Variants in GRM1 observed in about 807,000 individuals in gnomAD.
GRM1 encodes metabotropic glutamate receptor 1.
GRM1 carries 33 observed loss-of-function variants against 90.9 expected under a neutral mutation model. That is an observed-to-expected ratio of 0.36 (90% confidence interval 0.28 to 0.49). The LOEUF (loss-of-function observed/expected upper bound fraction) is 0.49. GRM1 is among the 20% of genes least tolerant of loss of function. GRM1 has a pLI of 0.99. For missense variants in GRM1, 1,190 were observed against 1,534.3 expected (o/e 0.78, Z 3.75); for synonymous variants, 700 against 613.2 (o/e 1.14, Z -2.09).
chr6:146,433,486 T>C (rs1778483342), intron 7 of GRM1, among the ~76,000 whole-genome samples: 1 of 152,082 alleles, frequency 6.6e-6, no homozygotes, highest in African/African-American at 2.4e-5. Flanking sequence ...TAAGATTTTT[T>C]TTTTAAAGTT....
chr6:146,051,413 C>T (rs1775284697), intron 1 of GRM1, among the ~76,000 whole-genome samples: 1 of 151,990 alleles, frequency 6.6e-6, no homozygotes, highest in African/African-American at 2.4e-5. Context: ...TTTCAGAGAC[C>T]TACACTGGAG....
chr6:146,256,495 C>T (rs1781482146), intron 2 of GRM1, among the ~76,000 whole-genome samples: 1 of 152,094 alleles, frequency 6.6e-6, no homozygotes, highest in Non-Finnish European at 1.5e-5. Context: ...TTTCTCCACT[C>T]TCCTCCTTTA....
At chr6:146,046,900 C>T (rs1007728235) in intron 1 of GRM1, among the ~76,000 whole-genome samples, 1 of 151,884 alleles carries the variant, frequency 6.6e-6, no homozygotes. Context: ...CAGGTTACTT[C>T]CAGTAGGGAT....
chr6:146,409,187 C>G (rs73785361), intron 7 of GRM1, among the ~76,000 whole-genome samples: 7,084 of 152,214 alleles, frequency 0.047, 276 homozygotes, highest in East Asian at 0.2. Flanking sequence ...CTGTCTCGCC[C>G]TATGCCTTCT....
chr6:146,038,518 T>G (rs565767092), intron 1 of GRM1, among the ~76,000 whole-genome samples: 97 of 152,050 alleles, frequency 6.4e-4, no homozygotes, highest in Non-Finnish European at 1.0e-3. Flanking sequence ...CTAACCTTAA[T>G]TAGGAAGATG....
chr6:146,030,113 A>G lies in GRM1; in HGVS notation c.596A>G (p.Lys199Arg), dbSNP rs1790653416. Residue 199 changes from lysine (K) to arginine (R), a missense_variant, in exon 1 of 8, where the codon AAA becomes AGA. By Grantham distance (26) the Lys-to-Arg change is conservative. Transcript: ENST00000282753. ...SIDLSDKTLY[K>R]YFLRVVPSDT... ...GACCTGAGTGACAAAACTTTGTACA[A>G]ATACTTCCTGAGGGTTGTCCCTTCT... The G allele has an allele frequency of 1.2e-6, 2 of 1,614,050 alleles. No individual in the cohort carries two copies. The highest frequency in any genetic ancestry group is 8.5e-7 in the Non-Finnish European group (1 of 1,180,010).
intron 1 of GRM1, among the ~76,000 whole-genome samples, chr6:146,155,764 C>G (rs145932259): frequency 1.9e-3 from 295 of 152,298 alleles, no homozygotes; most frequent in African/African-American, 6.5e-3. Context: ...CCAACTTCAT[C>G]TCTTCTCACT....
At chr6:146,323,385 C>G (rs923610694) in intron 3 of GRM1, among the ~76,000 whole-genome samples, 6 of 152,122 alleles carry the variant, frequency 3.9e-5, no homozygotes, top group Non-Finnish European at 8.8e-5. Context: ...GCATAAATGT[C>G]TTCTTTTGAG....
intron 5 of GRM1, among the ~76,000 whole-genome samples, chr6:146,372,449 A>T (rs1224615483): frequency 1.3e-5 from 2 of 151,978 alleles, no homozygotes; most frequent in Non-Finnish European, 2.9e-5. Context: ...TTTTGCTGTG[A>T]AGAAGATTTC....
intron 1 of GRM1, among the ~76,000 whole-genome samples, chr6:146,108,053 T>C (rs1258409798): frequency 6.6e-6 from 1 of 152,228 alleles, no homozygotes; most frequent in Non-Finnish European, 1.5e-5. Flanking sequence ...TAAATATATG[T>C]GAGAATTTCT....
At chr6:146,294,165 TA>T (rs1783093946) in intron 2 of GRM1, among the ~76,000 whole-genome samples, 1 of 151,838 alleles carries the variant, frequency 6.6e-6, no homozygotes. Flanking sequence ...AAGTTGAAAA[TA>T]AGCTCATTTA....
Position 146,357,647 on chromosome 6 carries a change from G to A in GRM1, c.1555G>A (p.Val519Met), listed in dbSNP as rs1157259701. 1 of 1,613,976 alleles carries A rather than the reference G, an allele frequency of 6.2e-7. No homozygotes were observed. Among genetic ancestry groups the A allele is most frequent in the East Asian group, 2.2e-5 (1 of 44,882 alleles). The change falls in exon 5 of 8, where the codon GTG (valine) becomes ATG (methionine). Residue 519 changes from valine (V) to methionine (M), a missense_variant. By Grantham distance (21) the Val-to-Met change is conservative. Transcript: ENST00000282753. ...CAAAATCCAGATGAACAAGAGTGGA[G>A]TGGTGCGGTCTGTGTGCAGTGAGCC... ...DYKIQMNKSG[V>M]VRSVCSEPCL...
At chr6:146,240,343 T>C (rs1780808906) in intron 2 of GRM1, among the ~76,000 whole-genome samples, 1 of 151,770 alleles carries the variant, frequency 6.6e-6, no homozygotes, top group Admixed American at 6.6e-5. Flanking sequence ...AAGACTCTTT[T>C]CAAAGGTGTG....
chr6:146,093,719 A>C (rs892651281), intron 1 of GRM1, among the ~76,000 whole-genome samples: 1 of 151,988 alleles, frequency 6.6e-6, no homozygotes, highest in African/African-American at 2.4e-5. Flanking sequence ...TCCTTTTCTC[A>C]AACATGCATA....
At chr6:146,156,495 G>T (rs1288123631) in intron 1 of GRM1, among the ~76,000 whole-genome samples, 1 of 152,200 alleles carries the variant, frequency 6.6e-6, no homozygotes, top group Non-Finnish European at 1.5e-5. Flanking sequence ...GTGGACCTTA[G>T]CCAATGATTG....
intron 1 of GRM1, among the ~76,000 whole-genome samples, chr6:146,091,504 T>C (rs1468015029): frequency 6.6e-6 from 1 of 151,858 alleles, no homozygotes; most frequent in African/African-American, 2.4e-5. Context: ...GTAGCTAGAG[T>C]GGCATTTTAG....
At chr6:146,417,049 G>A (rs1777812387) in intron 7 of GRM1, among the ~76,000 whole-genome samples, 1 of 152,084 alleles carries the variant, frequency 6.6e-6, no homozygotes, top group East Asian at 1.9e-4. Context: ...AAAATTTTAT[G>A]TCTACAGTCC....
chr6:146,262,635 A>T (rs553324877), intron 2 of GRM1, among the ~76,000 whole-genome samples: 155 of 152,072 alleles, frequency 1.0e-3, no homozygotes, highest in Middle Eastern at 3.4e-3. Context: ...TTCTCTGTGT[A>T]TGTGTATGTA....
chr6:146,154,674 T>C (rs942449324), intron 1 of GRM1, among the ~76,000 whole-genome samples: 1 of 152,234 alleles, frequency 6.6e-6, no homozygotes, highest in African/African-American at 2.4e-5. Context: ...CTTTTACAGA[T>C]GTTGACATTG....
Sources: gnomAD v4.1 joint callset for allele counts (sites outside exome capture counted in the v4.1 genomes callset) on GRCh38, gnomAD v4.1.1 for gene constraint, MANE v1.5 for transcripts, NCBI Gene and HGNC (gene_info 2026-07-23, HGNC 2026-07-21) for gene names.